The following NCOR1 variants were observed in gnomAD, a reference collection of about 807,000 sequenced individuals.
NCOR1 encodes the protein protein phosphatase 1, regulatory subunit 109.
NCOR1 carries 63 observed loss-of-function variants against 288.1 expected under a neutral mutation model. The observed-to-expected ratio is 0.22, with a 90% CI of 0.18 to 0.27. NCOR1 has a LOEUF of 0.27. Ranked by LOEUF, NCOR1 falls within the 10% of genes least tolerant of loss-of-function variation. The pLI, the probability that NCOR1 is intolerant of heterozygous loss-of-function variation, is 1.00. For synonymous variants in NCOR1, 1,007 were observed against 1,065.9 expected, an observed-to-expected ratio of 0.94 and a Z score of 1.08; for missense variants, 2,397 against 3,019.2, an observed-to-expected ratio of 0.79 and a Z score of 4.83.
intron 3 of NCOR1, among the ~76,000 whole-genome samples, chr17:16,172,228 C>T (rs747408248): frequency 6.6e-5 from 10 of 152,000 alleles, no homozygotes; most frequent in African/African-American, 1.9e-4. Flanking sequence ...TGGCAGTGGG[C>T]GCCTGTAATC....
intron 1 of NCOR1, among the ~76,000 whole-genome samples, chr17:16,214,845 A>G (rs1313579160): frequency 2.6e-5 from 4 of 152,262 alleles, no homozygotes; most frequent in African/African-American, 9.6e-5. Flanking sequence ...CATCTCCACC[A>G]GTACCCAGCC....
chr17:16,072,568 A>G (rs774670311), intron 28 of NCOR1, among the ~76,000 whole-genome samples: 5 of 152,258 alleles, frequency 3.3e-5, no homozygotes, highest in African/African-American at 4.8e-5. Flanking sequence ...TACTTGTGAT[A>G]AAGGGAAAAC....
intron 18 of NCOR1, among the ~76,000 whole-genome samples, chr17:16,116,612 A>C (rs1225404095): frequency 6.6e-6 from 1 of 152,222 alleles, no homozygotes; most frequent in African/African-American, 2.4e-5. Context: ...TCATTCTTTC[A>C]ATCTAAAATG....
At chr17:16,044,381 A>T (rs1453040879) in intron 42 of NCOR1, 1 of 471,018 alleles carries the variant, frequency 2.1e-6, no homozygotes, top group Admixed American at 2.3e-5. Flanking sequence ...AGTGACACAG[A>T]TCTAAACAAA....
chr17:16,071,770 A>G (rs1328256467), intron 29 of NCOR1, 105 bp from the exon 30 acceptor site: 1 of 1,033,254 alleles, frequency 9.7e-7, no homozygotes, highest in South Asian at 1.7e-5. Context: ...TTTGTTACAT[A>G]TATTTTAACA....
rs116867294 is a variant in NCOR1 at position 16,133,821 on chromosome 17, C to T, written c.1509+3490G>A. ...CACAGCAAATGGCAACTCCACAGGT[C>T]AAAACTTGTTTTCCTTGATTATTGT... On this transcript the variant is annotated intron_variant, in intron 14 of 45. Coordinates refer to ENST00000268712, the MANE Select transcript of NCOR1 (RefSeq NM_006311.4). Among the ~76,000 whole-genome samples the T allele has an allele frequency of 2.9e-3, 437 of 152,298 alleles. 20 individuals are homozygous for T. In the East Asian group the frequency reaches 0.05, roughly 18 times the overall value.
intron 1 of NCOR1, among the ~76,000 whole-genome samples, chr17:16,211,371 T>C (rs932753103): frequency 2.6e-5 from 4 of 151,952 alleles, no homozygotes; most frequent in African/African-American, 9.7e-5. Flanking sequence ...GCTTCCCAAG[T>C]AGCTGGGACC....
chr17:16,121,169 C>G lies in NCOR1; in HGVS notation c.1735G>C (p.Gly579Arg), dbSNP rs1177214663. 6.2e-7 allele frequency: 1 copy of G among 1,614,112 alleles called. No homozygotes were observed. Among genetic ancestry groups the G allele is most frequent in the Admixed American group, 1.7e-5 (1 of 60,018 alleles). Reference protein sequence around the residue: ...PRGRKTANSQGRRKGRITRSM... With the variant: ...PRGRKTANSQRRRKGRITRSM... Reference sequence around the variant, plus strand: ...CTGGTGATCCGGCCCTTACGGCGGCCCTGACTGTTGGCAGTCTTTCGCCCC... The same window carrying G: ...CTGGTGATCCGGCCCTTACGGCGGCGCTGACTGTTGGCAGTCTTTCGCCCC... Residue 579 changes from glycine to arginine, a missense_variant, in exon 16 of 46, where the codon GGC (glycine) becomes CGC (arginine). Transcript: ENST00000268712.
At chr17:16,095,394 G>T (rs1288147496) in intron 21 of NCOR1, among the ~76,000 whole-genome samples, 1 of 141,710 alleles carries the variant, frequency 7.1e-6, no homozygotes, top group Non-Finnish European at 1.6e-5. Context: ...GGAGGGAGGT[G>T]GGGGGTCAGC....
intron 22 of NCOR1, among the ~76,000 whole-genome samples, chr17:16,090,555 A>G (rs1426258634): frequency 1.3e-5 from 2 of 152,210 alleles, no homozygotes; most frequent in Non-Finnish European, 2.9e-5. Flanking sequence ...TTACAGAACT[A>G]GCGATTAAGA....
intron 19 of NCOR1, among the ~76,000 whole-genome samples, chr17:16,105,729 A>G (rs1356313809): frequency 6.7e-6 from 1 of 150,336 alleles, no homozygotes; most frequent in Non-Finnish European, 1.5e-5. Context: ...AAAAACAAAC[A>G]AACAAACAAA....
chr17:16,119,399 G>C (rs1424148282), intron 17 of NCOR1, 24 bp downstream of exon 17: 127 of 1,566,974 alleles, frequency 8.1e-5, no homozygotes, highest in Non-Finnish European at 6.3e-5. Context: ...AAAAACCTGA[G>C]AAACCAGAAC....
chr17:16,120,438 ATTC>A (rs2072755193), intron 16 of NCOR1, among the ~76,000 whole-genome samples: 1 of 152,006 alleles, frequency 6.6e-6, no homozygotes, highest in South Asian at 2.1e-4. Context: ...CCCCTATCTC[ATTC>A]TTGCCATTCC....
intron 42 of NCOR1, among the ~76,000 whole-genome samples, chr17:16,045,348 G>C (rs1398997476): frequency 6.6e-6 from 1 of 152,084 alleles, no homozygotes; most frequent in African/African-American, 2.4e-5. Flanking sequence ...TCTTAAACCT[G>C]AGTCTGTTTC....
intron 1 of NCOR1, among the ~76,000 whole-genome samples, chr17:16,194,862 A>C (rs929060096): frequency 6.6e-6 from 1 of 152,240 alleles, no homozygotes; most frequent in African/African-American, 2.4e-5. Context: ...AATTAGTTAT[A>C]TAAAGTAAAA....
intron 3 of NCOR1, among the ~76,000 whole-genome samples, chr17:16,183,515 T>C (rs190668797): frequency 1.5e-3 from 227 of 152,198 alleles, no homozygotes; most frequent in Non-Finnish European, 2.5e-3. Context: ...TAAATTTACT[T>C]GGTTAAATAA....
chr17:16,184,538 T>A (rs1289909040), intron 3 of NCOR1, among the ~76,000 whole-genome samples: 2 of 152,132 alleles, frequency 1.3e-5, no homozygotes, highest in Non-Finnish European at 2.9e-5. Flanking sequence ...TTAGGATGCC[T>A]ATTACCAAAA....
At chr17:16,071,895 T>C (rs2061801902) in intron 29 of NCOR1, among the ~76,000 whole-genome samples, 1 of 152,254 alleles carries the variant, frequency 6.6e-6, no homozygotes, top group Admixed American at 6.5e-5. Flanking sequence ...TGAGATATGA[T>C]ATTAATGCAT....
intron 33 of NCOR1, 66 bp downstream of exon 33, chr17:16,065,419 G>A (rs557004724): frequency 1.3e-6 from 2 of 1,484,506 alleles, no homozygotes; most frequent in South Asian, 1.1e-5. Context: ...AGTATTTACT[G>A]AGTACCTAAG....
Sources: gnomAD v4.1 joint callset for allele counts (sites outside exome capture counted in the v4.1 genomes callset) on GRCh38, gnomAD v4.1.1 for gene constraint, MANE v1.5 for transcripts, NCBI Gene and HGNC (gene_info 2026-07-23, HGNC 2026-07-21) for gene names.